MYO18B: variants seen among roughly 807,000 people sequenced by gnomAD.
MYO18B encodes myosin XVIIIB.
Under a neutral mutation model 273.0 loss-of-function variants are expected in MYO18B, and 204 were observed. The observed-to-expected ratio is 0.75, with a 90% confidence interval of 0.67 to 0.84. MYO18B has a LOEUF of 0.84. Ranked by LOEUF, MYO18B falls within the 40% of genes least tolerant of loss-of-function variation. The pLI, the probability that MYO18B is intolerant of heterozygous loss-of-function variation, is 0.00. For synonymous variants in MYO18B, 1,330 were observed against 1,305.7 expected (o/e 1.02, Z -0.40); for missense variants, 3,212 against 3,287.6 (o/e 0.98, Z 0.56).
In MYO18B at chr22:25,925,902, C is replaced by CAA. The variant is rs34754921; in HGVS notation, c.5517+4513_5517+4514dup. ...CATGGGCAACAGAGCAAGACTCTGT[C>CAA]AAAAAAAAAAAAAAAAAAAAAGGCC... On this transcript the variant is annotated intron_variant, in intron 34 of 43. Transcript: ENST00000335473. 7.8e-3 allele frequency among the ~76,000 whole-genome samples: 509 copies of CAA among 65,616 alleles called. 8 individuals are homozygous for CAA. The highest frequency in any genetic ancestry group is 0.016 in the Middle Eastern group (1 of 64). 43.0% of individuals were successfully genotyped at this position (65,616 alleles called of 152,430 possible).
chr22:25,756,735 T>A (rs133869), intron 1 of MYO18B: 145,228 of 152,356 alleles, frequency 0.95, 69,297 homozygotes, highest in East Asian at 1. Flanking sequence ...ATTTCTCTGT[T>A]TTGGGAACAT....
At chr22:25,944,896 A>G (rs185642231) in intron 34 of MYO18B, among the ~76,000 whole-genome samples, 91 of 151,142 alleles carry the variant, frequency 6.0e-4, no homozygotes, top group Non-Finnish European at 9.6e-4. Flanking sequence ...GGCAGCTGCC[A>G]ACTGCAGAAT....
In MYO18B at chr22:25,785,609, T is replaced by C. The variant is rs562703326; in HGVS notation, c.2376+118T>C. ...TACTGGGGTTCATAGTTGGCAAGGG[T>C]TGGTCATGTGGAAGAGTTGGCACTG... On this transcript the variant is annotated intron_variant, in intron 11 of 43. Coordinates refer to ENST00000335473, the MANE Select transcript of MYO18B (RefSeq NM_032608.7). 86 of 1,105,286 alleles carry C rather than the reference T, an allele frequency of 7.8e-5. 2 individuals are homozygous for C. The Middle Eastern group carries it at 8.4e-4, about 11-fold the overall frequency. The allele number at this position is 1,105,286 out of a possible 1,614,324, so 68.5% of individuals were successfully genotyped here. A position where few individuals can be genotyped will look rare whatever the true frequency, so the allele number is the denominator to read the frequency against.
At chr22:25,944,970 C>T (rs9613046) in intron 34 of MYO18B, among the ~76,000 whole-genome samples, 20,006 of 151,934 alleles carry the variant, frequency 0.13, 1,476 homozygotes, top group East Asian at 0.24. Context: ...CCTGGGGCCA[C>T]GTACATAAGT....
intron 15 of MYO18B, among the ~76,000 whole-genome samples, chr22:25,829,412 C>T (rs1039869795): frequency 5.3e-5 from 8 of 151,724 alleles, no homozygotes; most frequent in Non-Finnish European, 1.0e-4. Context: ...GTTGAAGGTA[C>T]ATGCATCACA....
intron 18 of MYO18B, 102 bp from the exon 19 acceptor site, chr22:25,845,998 G>T: frequency 9.4e-7 from 1 of 1,064,662 alleles, no homozygotes. Flanking sequence ...AGGAAGCCGA[G>T]GAGCAGGAAG....
At chr22:26,061,507 C>T in the MYO18B span, among the ~76,000 whole-genome samples, 1 of 152,052 alleles carries the variant, frequency 6.6e-6, no homozygotes, top group Non-Finnish European at 1.5e-5. Context: ...CAATCATGGG[C>T]TTCTCTAGCC....
chr22:25,880,761 C>A (rs530948020), intron 25 of MYO18B, among the ~76,000 whole-genome samples: 70 of 152,284 alleles, frequency 4.6e-4, no homozygotes, highest in African/African-American at 1.6e-3. Context: ...TGAAGTGCTA[C>A]GGATATGAAG....
intron 11 of MYO18B, among the ~76,000 whole-genome samples, chr22:25,792,972 T>C (rs2038323): frequency 0.74 from 112,022 of 151,890 alleles, 41,433 homozygotes; most frequent in East Asian, 0.86. Context: ...TTCAGTGGAC[T>C]GGGAGCCCCT....
chr22:25,825,459 C>G (rs2089457433), intron 13 of MYO18B, among the ~76,000 whole-genome samples: 1 of 152,078 alleles, frequency 6.6e-6, no homozygotes, highest in Non-Finnish European at 1.5e-5. Context: ...GTGATCTGAT[C>G]CCCTACACTC....
chr22:25,797,973 G>A lies in MYO18B; in HGVS notation c.2397G>A (p.Ala799=), dbSNP rs766198504. Residue 799 remains alanine (A), a synonymous_variant, in exon 12 of 44, where the codon GCG becomes GCA. Transcript: ENST00000335473. The stretch of plus-strand genomic sequence containing the variant: ...CGCAGCCTGAAGATAAACAGAAGGC[G>A]GCAGCTGCCTTTGCCCAGCTCCAGG... The part of the protein sequence containing the change: ...VWSKPEDKQK[A]AAAFAQLQGA... The A allele has an allele frequency of 1.4e-5, 22 of 1,613,874 alleles. No homozygotes were observed. The East Asian group carries it at 1.8e-4, about 13-fold the overall frequency.
At chr22:25,746,449 A>G (rs1488620987) in intron 1 of MYO18B, among the ~76,000 whole-genome samples, 3 of 152,200 alleles carry the variant, frequency 2.0e-5, no homozygotes, top group Non-Finnish European at 4.4e-5. Context: ...TTTGGGTTGC[A>G]TATCTCTTTG....
the MYO18B span, among the ~76,000 whole-genome samples, chr22:26,040,915 C>T: frequency 1.3e-5 from 2 of 152,124 alleles, no homozygotes; most frequent in African/African-American, 4.8e-5. Flanking sequence ...GGATGGGAGC[C>T]ATTTAGGGTG....
chr22:25,985,867 A>C (rs1286024378), intron 39 of MYO18B, among the ~76,000 whole-genome samples: 2 of 152,074 alleles, frequency 1.3e-5, no homozygotes, highest in African/African-American at 4.8e-5. Context: ...CCTGACCTCA[A>C]ATGATCCACC....
chr22:25,890,885 CA>C lies in MYO18B; in HGVS notation c.4434+11del, dbSNP rs779486734. The C allele has an allele frequency of 1.5e-5, 23 of 1,499,444 alleles. No homozygotes were observed. The African/African-American group carries it at 1.8e-4, about 12-fold the overall frequency. The allele number at this position is 1,499,444 out of a possible 1,614,324, so 92.9% of individuals were successfully genotyped here. On this transcript the variant is annotated intron_variant, in intron 26 of 43. Transcript: ENST00000335473. The stretch of plus-strand genomic sequence containing the variant: ...GGTCCAGGAGCTCAAGGTGAGTGGT[CA>C]GGGGTGGCCAGGGGTGGCTGAACAC...
chr22:26,034,252 G>A (rs534891451), downstream of MYO18B, among the ~76,000 whole-genome samples: 5 of 152,304 alleles, frequency 3.3e-5, no homozygotes, highest in Non-Finnish European at 5.9e-5. Context: ...CTTAGCACCC[G>A]GCGTAGTAAG....
At chr22:25,981,313 G>A (rs184707434) in intron 39 of MYO18B, among the ~76,000 whole-genome samples, 107 of 152,292 alleles carry the variant, frequency 7.0e-4, no homozygotes, top group African/African-American at 2.4e-3. Flanking sequence ...ATTGAGATGG[G>A]ACAAATGTGA....
intron 17 of MYO18B, among the ~76,000 whole-genome samples, chr22:25,840,939 C>T (rs778572416): frequency 1.7e-4 from 26 of 152,200 alleles, no homozygotes; most frequent in Non-Finnish European, 2.9e-4. Context: ...TTAATTATGA[C>T]ATTTTGGTTA....
chr22:25,770,812 TCCCCTCTTC>T, intron 5 of MYO18B, 51 bp from the exon 6 acceptor site: 2 of 1,269,232 alleles, frequency 1.6e-6, no homozygotes, highest in Middle Eastern at 3.7e-4. Flanking sequence ...CTCGCCTCTT[TCCCCTCTTC>T]CCCTCCCATC....
Sources: allele counts gnomAD v4.1 joint callset (sites outside exome capture counted in the v4.1 genomes callset), GRCh38; gene constraint gnomAD v4.1.1; transcripts MANE v1.5; gene names NCBI Gene and HGNC (gene_info 2026-07-23, HGNC 2026-07-21).